Variants in SPHKAP observed in about 807,000 individuals in gnomAD.
SPHKAP encodes A-kinase anchor protein SPHKAP.
SPHKAP carries 67 observed loss-of-function variants against 137.5 expected under a neutral mutation model. The observed-to-expected ratio is 0.49, with a 90% confidence interval of 0.40 to 0.60. The LOEUF (loss-of-function observed/expected upper bound fraction) is 0.60. SPHKAP is among the 20% of genes least tolerant of loss of function. The probability of loss-of-function intolerance (pLI) is 0.00; values close to 1 mark genes in which losing one functional copy is unlikely to be tolerated. For missense variants in SPHKAP, 2,097 were observed against 2,069.3 expected (o/e 1.01, Z -0.26); for synonymous variants, 813 against 785.3 (o/e 1.04, Z -0.59).
rs534187620 is a variant in SPHKAP, at chr2:228,047,412, G to C, written c.247-19869C>G. Among the ~76,000 whole-genome samples, 3 of 150,700 alleles carry C rather than the reference G, an allele frequency of 2.0e-5. No homozygotes were observed. The East Asian group carries it at 5.9e-4, about 30-fold the overall frequency. On this transcript the variant is annotated intron_variant, in intron 3 of 11. Coordinates refer to ENST00000392056, the MANE Select transcript of SPHKAP (RefSeq NM_001142644.2). ...ACCCGGGAGGCGGAGGTTGTAGTGA[G>C]CCGAGATTGCACCATTGCACTCCAG...
At chr2:228,077,168 G>A (rs1228588061) in intron 3 of SPHKAP, among the ~76,000 whole-genome samples, 1 of 152,162 alleles carries the variant, frequency 6.6e-6, no homozygotes, top group Admixed American at 6.5e-5. Flanking sequence ...GTTTGCTGTA[G>A]GGGCGAGGTC....
chr2:228,018,605 C>G lies in SPHKAP; in HGVS notation c.2249G>C (p.Ser750Thr). ...AGCACCCGGATCAGATGGCTGGCAG[C>G]TTGGTTCTGTCTCCCTCCTTCTGAT... The part of the protein sequence containing the change: ...ETIRRRETEP[S>T]CQPSDPGASQ... The change falls in exon 7 of 12, where the codon AGC becomes ACC. Residue 750 changes from serine (S) to threonine (T), a missense_variant. By Grantham distance (58) the Ser-to-Thr change is moderately conservative. Transcript: ENST00000392056. The G allele has an allele frequency of 6.2e-7, 1 of 1,614,052 alleles. No individual in the cohort carries two copies. The highest frequency in any genetic ancestry group is 8.5e-7 in the Non-Finnish European group (1 of 1,179,960).
intron 3 of SPHKAP, among the ~76,000 whole-genome samples, chr2:228,051,134 G>C (rs1019279545): frequency 6.6e-6 from 1 of 151,962 alleles, no homozygotes; most frequent in African/African-American, 2.4e-5. Flanking sequence ...CCTCTTCTCA[G>C]AATTGTTATA....
At chr2:227,989,761 A>C (rs1051091203) in intron 11 of SPHKAP, among the ~76,000 whole-genome samples, 2 of 143,108 alleles carry the variant, frequency 1.4e-5, no homozygotes, top group Non-Finnish European at 3.0e-5. Context: ...GCCTGCCACC[A>C]TGCCTGGCTA....
chr2:228,022,235 T>C, intron 5 of SPHKAP: 1 of 977,526 alleles, frequency 1.0e-6, no homozygotes, highest in Non-Finnish European at 1.2e-6. Flanking sequence ...AAGCAAAAAT[T>C]CAACTGGGTA....
At chr2:228,148,519 A>G (rs1250816959) in intron 1 of SPHKAP, among the ~76,000 whole-genome samples, 1 of 152,146 alleles carries the variant, frequency 6.6e-6, no homozygotes, top group Non-Finnish European at 1.5e-5. Flanking sequence ...TGCCCTAAAC[A>G]AGGACGCTTG....
rs74477232 is a variant in SPHKAP at position 228,140,325 on chromosome 2, G to A, written c.33-8240C>T. Among the ~76,000 whole-genome samples, 824 of 151,666 alleles carry A rather than the reference G, an allele frequency of 5.4e-3. 7 individuals are homozygous for A. The highest frequency in any genetic ancestry group is 0.019 in the African/African-American group (767 of 41,334). On this transcript the variant is annotated intron_variant, in intron 1 of 11. Coordinates refer to ENST00000392056, the MANE Select transcript of SPHKAP (RefSeq NM_001142644.2). ...GTCAAAGCACACTATGTATATGACC[G>A]CATTCTGCTAAATCTAGACTGTAGT...
At chr2:228,155,167 C>A (rs1489009362) in intron 1 of SPHKAP, among the ~76,000 whole-genome samples, 1 of 151,946 alleles carries the variant, frequency 6.6e-6, no homozygotes, top group Non-Finnish European at 1.5e-5. Flanking sequence ...ACCAGTACAT[C>A]TGTTTAATGG....
chr2:228,036,727 T>C (rs1695618582), intron 3 of SPHKAP, among the ~76,000 whole-genome samples: 1 of 152,148 alleles, frequency 6.6e-6, no homozygotes, highest in African/African-American at 2.4e-5. Flanking sequence ...GTTCATGTCC[T>C]TTGTAGGGAC....
chr2:228,155,162 T>G (rs1055171178), intron 1 of SPHKAP, among the ~76,000 whole-genome samples: 5 of 152,180 alleles, frequency 3.3e-5, no homozygotes, highest in Non-Finnish European at 7.4e-5. Flanking sequence ...ATGGGACCAG[T>G]ACATCTGTTT....
intron 1 of SPHKAP, among the ~76,000 whole-genome samples, chr2:228,133,375 T>C (rs1410011689): frequency 1.3e-5 from 2 of 151,940 alleles, no homozygotes; most frequent in Non-Finnish European, 1.5e-5. Flanking sequence ...CAACACGTGA[T>C]AAAAATGAAA....
chr2:228,092,151 A>G (rs1183298173), intron 3 of SPHKAP, among the ~76,000 whole-genome samples: 3 of 121,580 alleles, frequency 2.5e-5, no homozygotes, highest in East Asian at 4.8e-4. Flanking sequence ...ACATATATAC[A>G]TATACATATA....
intron 3 of SPHKAP, among the ~76,000 whole-genome samples, chr2:228,045,616 G>T (rs1696014854): frequency 6.6e-6 from 1 of 151,942 alleles, no homozygotes; most frequent in African/African-American, 2.4e-5. Context: ...GGGGAGCGGG[G>T]AGGGATAGCA....
intron 3 of SPHKAP, among the ~76,000 whole-genome samples, chr2:228,099,086 T>C (rs1698101555): frequency 6.6e-6 from 1 of 152,202 alleles, no homozygotes; most frequent in Non-Finnish European, 1.5e-5. Context: ...TTTTGGGGGC[T>C]TAGACAAAAA....
chr2:228,165,878 G>C (rs929247410), intron 1 of SPHKAP, among the ~76,000 whole-genome samples: 1 of 152,204 alleles, frequency 6.6e-6, no homozygotes, highest in African/African-American at 2.4e-5. Context: ...GGTGGTTGTT[G>C]CCTGTTGATT....
At chr2:228,015,914 T>A (rs968116332) in intron 7 of SPHKAP, among the ~76,000 whole-genome samples, 1 of 152,240 alleles carries the variant, frequency 6.6e-6, no homozygotes, top group Non-Finnish European at 1.5e-5. Context: ...TTTATTTGAC[T>A]GTTTTCAAAT....
At chr2:228,021,641 T>C in intron 6 of SPHKAP, 70 bp downstream of exon 6, 1 of 1,538,890 alleles carries the variant, frequency 6.5e-7, no homozygotes. Flanking sequence ...CCTGGAACTT[T>C]TCTGAAATCT....
rs1351888654 is a variant in SPHKAP, at chr2:228,019,223, A to G, written c.1631T>C (p.Leu544Pro). 1 of 1,613,760 alleles carries G rather than the reference A, an allele frequency of 6.2e-7. No homozygotes were observed. The highest frequency in any genetic ancestry group is 8.5e-7 in the Non-Finnish European group (1 of 1,180,046). Residue 544 changes from leucine (L) to proline (P), a missense_variant, in exon 7 of 12, where the codon CTC (leucine) becomes CCC (proline). Coordinates refer to ENST00000392056, the MANE Select transcript of SPHKAP (RefSeq NM_001142644.2). Reference protein sequence around the residue: ...GALQTQAPQGLKEPSINEYSF... With the variant: ...GALQTQAPQGPKEPSINEYSF... ...GTACTCATTGATGGAAGGTTCCTTG[A>G]GTCCTTGGGGTGCTTGAGTTTGCAG...
intron 6 of SPHKAP, 86 bp downstream of exon 6, chr2:228,021,625 A>C: frequency 6.7e-7 from 1 of 1,486,358 alleles, no homozygotes; most frequent in Non-Finnish European, 9.1e-7. Flanking sequence ...AGCCAAACTG[A>C]TGTGGCCTGG....
Sources: allele counts gnomAD v4.1 joint callset (sites outside exome capture counted in the v4.1 genomes callset), GRCh38; gene constraint gnomAD v4.1.1; transcripts MANE v1.5; gene names NCBI Gene and HGNC (gene_info 2026-07-23, HGNC 2026-07-21).